The following PCID2 variants were observed in gnomAD, a reference collection of about 807,000 sequenced individuals.
PCID2 encodes the protein PCI domain containing 2.
PCID2 carries 41 observed loss-of-function variants against 61.3 expected under a neutral mutation model. That is an observed-to-expected ratio of 0.67 (90% CI 0.52 to 0.87). The LOEUF is 0.87. Ranked by LOEUF, PCID2 falls within the 40% of genes least tolerant of loss-of-function variation. The pLI is 0.00. For synonymous variants in PCID2, 187 were observed against 177.8 expected, an observed-to-expected ratio of 1.05 and a Z score of -0.41; for missense variants, 392 against 493.4, an observed-to-expected ratio of 0.79 and a Z score of 1.95.
the PCID2 span, among the ~76,000 whole-genome samples, chr13:113,170,038 T>G: frequency 1.3e-5 from 2 of 152,202 alleles, no homozygotes; most frequent in South Asian, 4.1e-4. Context: ...CTCTGCACCA[T>G]GGAAATTCTG....
intron 9 of PCID2, chr13:113,183,671 G>T: frequency 3.1e-6 from 2 of 650,506 alleles, no homozygotes; most frequent in Non-Finnish European, 3.8e-6. Context: ...ACAAACAGCT[G>T]AAGAAGAGTT....
At chr13:113,171,716 C>T in the PCID2 span, 12 of 1,613,092 alleles carry the variant, frequency 7.4e-6, no homozygotes, top group Admixed American at 1.7e-4. The surrounding 1 kb of genome is among the most constrained non-coding windows in gnomAD (Gnocchi z 5.1). Flanking sequence ...GTGGCCCATC[C>T]AGTGCCCAGG....
At chr13:113,177,446 T>A (rs536654522), downstream of PCID2, 5 of 152,380 alleles carry the variant, frequency 3.3e-5, no homozygotes, top group African/African-American at 1.2e-4. Context: ...ATCTACACTT[T>A]ATTATAAAAT....
At chr13:113,192,740 A>G (rs1332440876) in intron 6 of PCID2, among the ~76,000 whole-genome samples, 1 of 152,196 alleles carries the variant, frequency 6.6e-6, no homozygotes, top group African/African-American at 2.4e-5. Context: ...GTATATCAGC[A>G]CTTGGGAGGT....
chr13:113,200,119 C>T (rs2039306787), intron 2 of PCID2, among the ~76,000 whole-genome samples: 1 of 152,160 alleles, frequency 6.6e-6, no homozygotes, highest in Non-Finnish European at 1.5e-5. Context: ...GTCTATGGGG[C>T]TTTGGGGACG....
chr13:113,178,172 A>AC lies in PCID2; in HGVS notation c.*25dup, dbSNP rs749595284. On this transcript the variant is annotated 3_prime_UTR_variant, in exon 14 of 14. Coordinates refer to ENST00000337344, the MANE Select transcript of PCID2 (RefSeq NM_001127202.4). ...CCAAAGTGGAAAGAAACAACTGCTC[A>AC]CCCGTCCTCGGGGCTCCGTGTACTT... The AC allele has an allele frequency of 5.1e-6, 8 of 1,568,744 alleles. No individual in the cohort carries two copies. The Admixed American group carries it at 1.3e-4, about 26-fold the overall frequency.
the PCID2 span, chr13:113,170,459 T>TA: frequency 6.2e-7 from 1 of 1,611,332 alleles, no homozygotes. Flanking sequence ...GGTGGTGTTA[T>TA]AATACGGGAA....
In PCID2 at chr13:113,178,078, A is replaced by T. The variant is rs1323656800; in HGVS notation, c.*120T>A. On this transcript the variant is annotated 3_prime_UTR_variant, in exon 14 of 14. Coordinates refer to ENST00000337344, the MANE Select transcript of PCID2 (RefSeq NM_001127202.4). ...AAATCTCAGCCTCAGCATCCCTGGG[A>T]AAAGCGCCTCCAAGAGTTCCGGCTT... 3.3e-6 allele frequency: 2 copies of T among 605,060 alleles called. No individual in the cohort carries two copies. Among genetic ancestry groups the T allele is most frequent in the Non-Finnish European group, 5.8e-6 (2 of 342,448 alleles). 37.5% of individuals were successfully genotyped at this position (605,060 alleles called of 1,614,324 possible).
intron 6 of PCID2, 118 bp from the exon 7 acceptor site, chr13:113,191,093 A>G (rs2038578511): frequency 3.5e-6 from 2 of 572,168 alleles, no homozygotes; most frequent in East Asian, 6.3e-5. Context: ...CCTGGGCTCC[A>G]CTGATCTTCC....
chr13:113,190,241 A>C (rs1237156633), intron 7 of PCID2, among the ~76,000 whole-genome samples: 2 of 151,756 alleles, frequency 1.3e-5, no homozygotes, highest in Non-Finnish European at 2.9e-5. Context: ...AAAAAAAAAA[A>C]AAAAAACCAA....
At chr13:113,186,684 C>T (rs1452585853) in intron 7 of PCID2, 1 of 152,242 alleles carries the variant, frequency 6.6e-6, no homozygotes, top group Non-Finnish European at 1.5e-5. Flanking sequence ...TTTAGACACA[C>T]AAATAATTCC....
At chr13:113,176,175 G>A (rs117668554), downstream of PCID2, among the ~76,000 whole-genome samples, 3 of 152,238 alleles carry the variant, frequency 2.0e-5, no homozygotes, top group Non-Finnish European at 4.4e-5. Context: ...GAGAAAGAGG[G>A]ATTCACACTT....
intron 9 of PCID2, among the ~76,000 whole-genome samples, chr13:113,183,065 G>C (rs1345169835): frequency 6.6e-6 from 1 of 152,140 alleles, no homozygotes; most frequent in East Asian, 1.9e-4. Context: ...AGGGCTCTAG[G>C]AATTCCTAGC....
At chr13:113,195,016 C>T in intron 6 of PCID2, 55 bp downstream of exon 6, 1 of 1,207,618 alleles carries the variant, frequency 8.3e-7, no homozygotes, top group Non-Finnish European at 1.2e-6. Context: ...AATTAAACAA[C>T]AGATAGTCAC....
chr13:113,203,370 A>G (rs188149559), intron 1 of PCID2, among the ~76,000 whole-genome samples: 19 of 152,318 alleles, frequency 1.2e-4, no homozygotes, highest in African/African-American at 4.1e-4. Flanking sequence ...AATGGGTGCA[A>G]GACGATTTGG....
At chr13:113,183,678 A>G (rs1595167760) in intron 9 of PCID2, 1 of 695,232 alleles carries the variant, frequency 1.4e-6, no homozygotes, top group Non-Finnish European at 1.8e-6. Context: ...GCTGAAGAAG[A>G]GTTTAAAGTC....
intron 1 of PCID2, chr13:113,208,240 C>T (rs890977028): frequency 2.1e-6 from 3 of 1,455,434 alleles, no homozygotes; most frequent in Non-Finnish European, 2.7e-6. Context: ...GACACAGCAC[C>T]GCCCACAGCG....
Position 113,200,457 on chromosome 13 carries a change from T to C in PCID2, c.96A>G (p.Lys32=). 6 of 1,613,394 alleles carry C rather than the reference T, an allele frequency of 3.7e-6. No homozygotes were observed. The highest frequency in any genetic ancestry group is 1.7e-5 in the Admixed American group (1 of 60,030). The part of the protein sequence containing the change: ...GASCAELVSF[K]HPHVANPRLQ... ...GTCGTGGGTTTGCAACATGAGGATG[T>C]TTAAAAGACACCAACTCTGCACAAG... is the stretch of plus-strand genomic sequence containing the variant. Residue 32 remains lysine, a synonymous_variant, in exon 2 of 14, where the codon AAA becomes AAG. Coordinates refer to ENST00000337344, the MANE Select transcript of PCID2 (RefSeq NM_001127202.4).
At chr13:113,198,996 G>C (rs1256436734) in intron 2 of PCID2, among the ~76,000 whole-genome samples, 1 of 152,102 alleles carries the variant, frequency 6.6e-6, no homozygotes, top group Non-Finnish European at 1.5e-5. Context: ...TCATCTCCTG[G>C]GCTAGTCTAG....
Sources: gnomAD v4.1 joint callset for allele counts (sites outside exome capture counted in the v4.1 genomes callset) on GRCh38, gnomAD v4.1.1 for gene constraint, Gnocchi (gnomAD v3.1) non-coding constraint, MANE v1.5 for transcripts, NCBI Gene and HGNC (gene_info 2026-07-23, HGNC 2026-07-21) for gene names.